FRMD5: variants seen among roughly 807,000 people sequenced by gnomAD.
The protein encoded by FRMD5 is FERM domain-containing protein 5.
In FRMD5, 20 loss-of-function variants were observed where a neutral mutation model predicts 69.0. The observed-to-expected ratio is 0.29, with a 90% confidence interval of 0.20 to 0.42. The LOEUF (loss-of-function observed/expected upper bound fraction) is 0.42. Among genes scored for constraint, FRMD5 ranks in the 10% least tolerant of loss-of-function variants. The pLI, the probability that FRMD5 is intolerant of heterozygous loss-of-function variation, is 1.00. For synonymous variants in FRMD5, 271 were observed against 260.1 expected, an observed-to-expected ratio of 1.04 and a Z score of -0.40; for missense variants, 595 against 708.6, an observed-to-expected ratio of 0.84 and a Z score of 1.82.
At position 43,875,570 on chromosome 15, in the gene FRMD5, C is replaced by T. The variant is rs189752707; in HGVS notation, c.1136-1108G>A. ...TCAGCTCACTACAACTTCTGCCTCC[C>T]GGGTTCCAGCGATTCTTGTGTCTCA... is the stretch of plus-strand genomic sequence containing the variant. On this transcript the variant is annotated intron_variant, in intron 13 of 13. Coordinates refer to ENST00000417257, the MANE Select transcript of FRMD5 (RefSeq NM_032892.5). Among the ~76,000 whole-genome samples the T allele has an allele frequency of 2.9e-3, 438 of 151,196 alleles. 6 individuals carry two copies. Among genetic ancestry groups the T allele is most frequent in the Middle Eastern group, 0.027 (8 of 292 alleles).
chr15:43,939,638 G>A (rs2089827414), intron 1 of FRMD5, among the ~76,000 whole-genome samples: 1 of 152,050 alleles, frequency 6.6e-6, no homozygotes, highest in Admixed American at 6.6e-5. Flanking sequence ...GCTCCCTGTA[G>A]CCTTGAACTC....
intron 1 of FRMD5, among the ~76,000 whole-genome samples, chr15:44,105,611 T>G (rs2076705720): frequency 6.6e-6 from 1 of 152,230 alleles, no homozygotes; most frequent in Admixed American, 6.5e-5. Flanking sequence ...TGTTTTGTCA[T>G]TTATACTGAG....
At chr15:44,002,137 G>C (rs1379846068) in intron 1 of FRMD5, among the ~76,000 whole-genome samples, 6 of 152,104 alleles carry the variant, frequency 3.9e-5, no homozygotes, top group Admixed American at 3.9e-4. Flanking sequence ...AGATGTCCCA[G>C]GCCCATCTTA....
In FRMD5 at chr15:44,115,340, C is replaced by T. The variant is rs576771157; in HGVS notation, c.102+79613G>A. Reference sequence around the variant, plus strand: ...TCTCCATAAAAACAGTAGTTTTCTGCACTACTCAAACATATATGTCACATT... The same window carrying T: ...TCTCCATAAAAACAGTAGTTTTCTGTACTACTCAAACATATATGTCACATT... On this transcript the variant is annotated intron_variant, in intron 1 of 13. Coordinates refer to ENST00000417257, the MANE Select transcript of FRMD5 (RefSeq NM_032892.5). 6.6e-5 allele frequency among the ~76,000 whole-genome samples: 10 copies of T among 152,252 alleles called. No individual in the cohort carries two copies. The South Asian group carries it at 2.1e-3, about 32-fold the overall frequency.
At chr15:44,018,441 C>T (rs965326675) in intron 1 of FRMD5, among the ~76,000 whole-genome samples, 2 of 152,118 alleles carry the variant, frequency 1.3e-5, no homozygotes, top group Non-Finnish European at 2.9e-5. Flanking sequence ...TAAGTTTGGG[C>T]ATGTGAGTAA....
At chr15:44,151,175 A>G (rs2077440487) in intron 1 of FRMD5, among the ~76,000 whole-genome samples, 2 of 152,032 alleles carry the variant, frequency 1.3e-5, no homozygotes, top group Non-Finnish European at 2.9e-5. Flanking sequence ...AGGCGGACGG[A>G]TCACGAGATC....
intron 1 of FRMD5, among the ~76,000 whole-genome samples, chr15:43,934,565 C>T (rs2089727345): frequency 6.6e-6 from 1 of 152,172 alleles, no homozygotes; most frequent in Admixed American, 6.5e-5. Flanking sequence ...GAAAGAGTAA[C>T]TAAACAGAAT....
chr15:43,963,018 A>C (rs1201750111), intron 1 of FRMD5, among the ~76,000 whole-genome samples: 2 of 152,224 alleles, frequency 1.3e-5, no homozygotes, highest in South Asian at 2.1e-4. Context: ...TGTCTAAAAC[A>C]CCAAAAGCAA....
intron 1 of FRMD5, among the ~76,000 whole-genome samples, chr15:44,119,015 T>C (rs1224002215): frequency 6.6e-6 from 1 of 152,134 alleles, no homozygotes; most frequent in Non-Finnish European, 1.5e-5. Context: ...CAGACCAGAG[T>C]GCAATGGCGT....
At chr15:43,989,210 TCTTC>T (rs1889546564) in intron 1 of FRMD5, 2 of 822,566 alleles carry the variant, frequency 2.4e-6, no homozygotes, top group African/African-American at 3.3e-5. Context: ...GTGATCTTGA[TCTTC>T]ATTGTGCTGG....
At chr15:44,051,661 T>C (rs568106229) in intron 1 of FRMD5, among the ~76,000 whole-genome samples, 1 of 152,290 alleles carries the variant, frequency 6.6e-6, no homozygotes, top group South Asian at 2.1e-4. Flanking sequence ...TCATGTCTCC[T>C]TAGGCTCCTC....
At chr15:43,985,146 T>C (rs1228310386) in intron 1 of FRMD5, among the ~76,000 whole-genome samples, 1 of 151,620 alleles carries the variant, frequency 6.6e-6, no homozygotes, top group African/African-American at 2.4e-5. Flanking sequence ...CCTGGTGTGG[T>C]GGCAGGTGCC....
chr15:44,055,600 C>T (rs931244810), intron 1 of FRMD5, among the ~76,000 whole-genome samples: 15 of 151,972 alleles, frequency 9.9e-5, no homozygotes, highest in African/African-American at 3.4e-4. Context: ...TAAATTTTAC[C>T]AATTATTGCT....
chr15:43,999,949 C>T lies in FRMD5; in HGVS notation c.103-75640G>A, dbSNP rs867522274. On this transcript the variant is annotated intron_variant, in intron 1 of 13. Transcript: ENST00000417257. ...TATATATATATATATATATATATGCCATGCATATATATATATATATATATA... is the reference window on the plus strand; with the variant it reads ...TATATATATATATATATATATATGCTATGCATATATATATATATATATATA... Among the ~76,000 whole-genome samples the T allele has an allele frequency of 1.4e-3, 118 of 81,758 alleles. 4 individuals carry two copies. The highest frequency in any genetic ancestry group is 2.3e-3 in the South Asian group (6 of 2,560). 53.6% of individuals were successfully genotyped at this position (81,758 alleles called of 152,430 possible).
At chr15:44,186,498 GT>G (rs2078104373) in intron 1 of FRMD5, among the ~76,000 whole-genome samples, 1 of 152,186 alleles carries the variant, frequency 6.6e-6, no homozygotes, top group Non-Finnish European at 1.5e-5. Context: ...GACTATGAGG[GT>G]TCCTAATGAT....
At chr15:43,911,400 C>G (rs2089285059) in intron 4 of FRMD5, among the ~76,000 whole-genome samples, 1 of 152,218 alleles carries the variant, frequency 6.6e-6, no homozygotes, top group South Asian at 2.1e-4. Context: ...TTCAGCAGTC[C>G]TATAGAAAGG....
At chr15:44,112,804 C>T (rs576465875) in intron 1 of FRMD5, among the ~76,000 whole-genome samples, 95 of 151,648 alleles carry the variant, frequency 6.3e-4, no homozygotes, top group Non-Finnish European at 1.0e-3. Context: ...ACCATATTGG[C>T]CAGGCTGGTC....
intron 1 of FRMD5, among the ~76,000 whole-genome samples, chr15:44,134,606 C>T (rs985103509): frequency 4.6e-5 from 7 of 152,054 alleles, no homozygotes; most frequent in Admixed American, 1.3e-4. Flanking sequence ...GCGCCACTAT[C>T]GTCTGGCTAA....
chr15:43,926,510 A>G (rs1342242277), intron 1 of FRMD5, among the ~76,000 whole-genome samples: 1 of 152,174 alleles, frequency 6.6e-6, no homozygotes, highest in African/African-American at 2.4e-5. Flanking sequence ...GAATGAGCAT[A>G]TTTTAAAGAC....
Sources: gnomAD v4.1 joint callset for allele counts (sites outside exome capture counted in the v4.1 genomes callset) on GRCh38, gnomAD v4.1.1 for gene constraint, MANE v1.5 for transcripts, NCBI Gene and HGNC (gene_info 2026-07-23, HGNC 2026-07-21) for gene names.